The following PLCD4 variants were observed in gnomAD, a reference collection of about 807,000 sequenced individuals.
The protein encoded by PLCD4 is phospholipase C delta 4.
PLCD4 carries 63 observed loss-of-function variants against 90.2 expected under a neutral mutation model. The observed-to-expected ratio is 0.70, with a 90% confidence interval of 0.57 to 0.86. The LOEUF is 0.86. PLCD4 is among the 40% of genes least tolerant of loss of function. The pLI is 0.00. For missense variants in PLCD4, 830 were observed against 956.3 expected, an observed-to-expected ratio of 0.87 and a Z score of 1.74; for synonymous variants, 294 against 356.5, an observed-to-expected ratio of 0.82 and a Z score of 1.97.
intron 6 of PLCD4, among the ~76,000 whole-genome samples, chr2:218,623,975 G>A (rs832801): frequency 0.58 from 88,333 of 152,172 alleles, 25,901 homozygotes; most frequent in East Asian, 0.78. Context: ...GAGCCACTGT[G>A]CCTGGCATCT....
intron 9 of PLCD4, among the ~76,000 whole-genome samples, chr2:218,631,067 G>T (rs551952846): frequency 6.6e-6 from 1 of 151,964 alleles, no homozygotes; most frequent in South Asian, 2.1e-4. Context: ...TTTTTTTCTG[G>T]TAGTTCATAG....
rs575862259 is a variant in PLCD4 at position 218,625,414 on chromosome 2, T to C, written c.772+2536T>C. On this transcript the variant is annotated intron_variant, in intron 6 of 15. Coordinates refer to ENST00000450993, the MANE Select transcript of PLCD4 (RefSeq NM_032726.4). ...GACCCCTCTTGGTGTTTCCTTCCCTTGAACTTGACAATCAGATACTTTATC... is the reference window on the plus strand; with the variant it reads ...GACCCCTCTTGGTGTTTCCTTCCCTCGAACTTGACAATCAGATACTTTATC... Among the ~76,000 whole-genome samples the C allele has an allele frequency of 2.0e-5, 3 of 152,310 alleles. No homozygotes were observed. In the East Asian group the frequency reaches 5.8e-4, roughly 29 times the overall value.
intron 1 of PLCD4, among the ~76,000 whole-genome samples, chr2:218,613,562 T>C (rs1229470499): frequency 2.0e-5 from 3 of 152,168 alleles, no homozygotes. Context: ...TGGTCAAGAA[T>C]GTTTTTTTGT....
In PLCD4 at chr2:218,627,248, G is replaced by A. The variant is rs1348865773; in HGVS notation, c.773-781G>A. Among the ~76,000 whole-genome samples, 6 of 151,626 alleles carry A rather than the reference G, an allele frequency of 4.0e-5. No individual in the cohort carries two copies. In the East Asian group the frequency reaches 9.7e-4, roughly 25 times the overall value. On this transcript the variant is annotated intron_variant, in intron 6 of 15. Coordinates refer to ENST00000450993, the MANE Select transcript of PLCD4 (RefSeq NM_032726.4). ...TGCACTCCAGCCTGGGAGACGGAGTGAGACTCTGTCTCAAAAATAAATAAA... is the reference window on the plus strand; with the variant it reads ...TGCACTCCAGCCTGGGAGACGGAGTAAGACTCTGTCTCAAAAATAAATAAA...
rs140194396 is a variant in PLCD4 at position 218,618,813 on chromosome 2, G to A, written c.410+6G>A. 1.7e-3 allele frequency: 2,713 copies of A among 1,574,306 alleles called. 8 individuals carry two copies. The highest frequency in any genetic ancestry group is 5.3e-3 in the Middle Eastern group (32 of 6,016). ...CATCAGGAGCGCCTGGACCAGTATC[G>A]GCAGGATGGAGTCAGGGTGGGGGTG... On this transcript the variant is annotated splice_donor_region_variant and intron_variant, in intron 4 of 15. Transcript: ENST00000450993.
At chr2:218,618,924 C>T (rs1359635469) in intron 4 of PLCD4, 117 bp downstream of exon 4, 1 of 950,914 alleles carries the variant, frequency 1.1e-6, no homozygotes, top group East Asian at 2.6e-5. Context: ...GCCCAAGGGT[C>T]CAGATGGTAT....
At chr2:218,608,815 T>C (rs116543110) in intron 1 of PLCD4, among the ~76,000 whole-genome samples, 2,132 of 152,256 alleles carry the variant, frequency 0.014, 38 homozygotes, top group African/African-American at 0.049. Context: ...AGGCTATTGA[T>C]GTAGCTGGGA....
chr2:218,630,633 C>T lies in PLCD4; in HGVS notation c.1120-17C>T, dbSNP rs200803202. ...TTTTAGAACTCTGAATCCATTGTTC[C>T]CTCCCCTCACCACCAGACATCAGAC... On this transcript the variant is annotated splice_polypyrimidine_tract_variant and intron_variant, in intron 8 of 15. Coordinates refer to ENST00000450993, the MANE Select transcript of PLCD4 (RefSeq NM_032726.4). The T allele has an allele frequency of 2.0e-4, 319 of 1,613,898 alleles. No individual in the cohort carries two copies. Among genetic ancestry groups the T allele is most frequent in the Non-Finnish European group, 2.6e-4 (301 of 1,179,830 alleles).
At chr2:218,625,848 C>T (rs1486843431) in intron 6 of PLCD4, among the ~76,000 whole-genome samples, 4 of 151,998 alleles carry the variant, frequency 2.6e-5, no homozygotes, top group South Asian at 2.1e-4. Context: ...GCAGGAGAAT[C>T]GATTGAACCC....
chr2:218,612,364 G>T (rs1459202207), intron 1 of PLCD4, among the ~76,000 whole-genome samples: 1 of 152,148 alleles, frequency 6.6e-6, no homozygotes, highest in Non-Finnish European at 1.5e-5. Context: ...TCTCCTTCAG[G>T]CACACACATT....
chr2:218,626,088 T>TAAAAATAA (rs2106146344), intron 6 of PLCD4, among the ~76,000 whole-genome samples: 1 of 151,838 alleles, frequency 6.6e-6, no homozygotes, highest in East Asian at 1.9e-4. Flanking sequence ...ACCCCATCTC[T>TAAAAATAA]AAAAATAAAA....
At chr2:218,619,266 C>CATATATATATATAT (rs3074252) in intron 4 of PLCD4, among the ~76,000 whole-genome samples, 4 of 146,720 alleles carry the variant, frequency 2.7e-5, no homozygotes, top group African/African-American at 1.0e-4. Flanking sequence ...TATAGGGGTA[C>CATATATATATATAT]ATATATATAT....
At chr2:218,614,973 A>G (rs1481859902) in intron 1 of PLCD4, among the ~76,000 whole-genome samples, 1 of 152,060 alleles carries the variant, frequency 6.6e-6, no homozygotes, top group Admixed American at 6.6e-5. Context: ...TCACGCCTGT[A>G]ATCCCAGCAC....
At chr2:218,608,576 C>T (rs1167867550) in intron 1 of PLCD4, among the ~76,000 whole-genome samples, 13 of 152,242 alleles carry the variant, frequency 8.5e-5, no homozygotes, top group African/African-American at 2.6e-4. Context: ...CAGAGTGCTA[C>T]GTTGGTAAGA....
Position 218,618,772 on chromosome 2 carries a change from T to A in PLCD4, c.375T>A (p.Leu125=). The A allele has an allele frequency of 6.2e-7, 1 of 1,603,104 alleles. No homozygotes were observed. The change falls in exon 4 of 16, where the codon CTT becomes CTA. Residue 125 remains leucine, a synonymous_variant. Transcript: ENST00000450993. ...WMRGLQLLVD[L]VTSMDHQERL... The stretch of plus-strand genomic sequence containing the variant: ...GAGGGCTCCAGCTGTTGGTGGATCT[T>A]GTCACCAGCATGGACCATCAGGAGC...
chr2:218,618,218 T>G (rs750469819), intron 3 of PLCD4, among the ~76,000 whole-genome samples: 1 of 152,262 alleles, frequency 6.6e-6, no homozygotes, highest in Non-Finnish European at 1.5e-5. Flanking sequence ...TCAGTCCTCC[T>G]GTGATCACCA....
At position 218,634,238 on chromosome 2, in the gene PLCD4, G is replaced by GACT; in HGVS notation, c.1723+18_1723+20dup. 4 of 1,601,252 alleles carry GACT rather than the reference G, an allele frequency of 2.5e-6. No individual in the cohort carries two copies. The highest frequency in any genetic ancestry group is 3.4e-6 in the Non-Finnish European group (4 of 1,173,670). ...GCCAGATGGGTGAGGAGGCAGCAGG[G>GACT]ACTGGGAAGAGGGAGTGGAGGAGCA... On this transcript the variant is annotated intron_variant, in intron 12 of 15. Coordinates refer to ENST00000450993, the MANE Select transcript of PLCD4 (RefSeq NM_032726.4). The surrounding 1 kb of genome is among the most constrained non-coding windows in gnomAD (Gnocchi z 4.0).
chr2:218,619,158 T>A (rs658378), intron 4 of PLCD4, among the ~76,000 whole-genome samples: 70,715 of 151,898 alleles, frequency 0.47, 19,617 homozygotes, highest in East Asian at 0.78. Context: ...CTCAGTGATA[T>A]AAACTCACTC....
chr2:218,634,398 AAG>A lies in PLCD4; in HGVS notation c.1724-57_1724-56del. On this transcript the variant is annotated intron_variant, in intron 12 of 15. Transcript: ENST00000450993. The surrounding 1 kb of genome is among the most constrained non-coding windows in gnomAD (Gnocchi z 4.0). The stretch of plus-strand genomic sequence containing the variant: ...AGTACCTATCTTCTTAACTCCCTGA[AAG>A]AGGGGCTGGAAGGCCTCCATGGTGA... 1.3e-6 allele frequency: 2 copies of A among 1,582,924 alleles called. No homozygotes were observed. The highest frequency in any genetic ancestry group is 1.3e-5 in the African/African-American group (1 of 74,156).
Sources: allele counts gnomAD v4.1 joint callset (sites outside exome capture counted in the v4.1 genomes callset), GRCh38; gene constraint gnomAD v4.1.1; non-coding constraint Gnocchi (gnomAD v3.1); transcripts MANE v1.5; gene names NCBI Gene and HGNC (gene_info 2026-07-23, HGNC 2026-07-21).